Variants in PIKFYVE observed in about 807,000 individuals in gnomAD.
PIKFYVE encodes 1-phosphatidylinositol 3-phosphate 5-kinase.
In PIKFYVE, 122 loss-of-function variants were observed where a neutral mutation model predicts 257.9. That is an observed-to-expected ratio of 0.47 (90% CI 0.41 to 0.55). The LOEUF (loss-of-function observed/expected upper bound fraction) is 0.55. Ranked by LOEUF, PIKFYVE falls within the 20% of genes least tolerant of loss-of-function variation. PIKFYVE has a pLI of 0.00. For synonymous variants in PIKFYVE, 892 were observed against 868.9 expected (o/e 1.03, Z -0.47); for missense variants, 2,160 against 2,536.6 (o/e 0.85, Z 3.19).
Position 208,354,045 on chromosome 2 carries a change from C to T in PIKFYVE, c.5992C>T (p.Leu1998=). 6.2e-7 allele frequency: 1 copy of T among 1,614,082 alleles called. No homozygotes were observed. Among genetic ancestry groups the T allele is most frequent in the East Asian group, 2.2e-5 (1 of 44,866 alleles). Reference sequence around the variant, plus strand: ...TATTCGTTCTCATTCCAAAGCTGTGCTGAGAACCTCGATCCATAGTGACTC... The same window carrying T: ...TATTCGTTCTCATTCCAAAGCTGTGTTGAGAACCTCGATCCATAGTGACTC... ...LYIRSHSKAV[L]RTSIHSDSHF... Residue 1998 remains leucine, a synonymous_variant, in exon 40 of 42, where the codon CTG becomes TTG. Coordinates refer to ENST00000264380, the MANE Select transcript of PIKFYVE (RefSeq NM_015040.4).
chr2:208,325,461 A>C lies in PIKFYVE; in HGVS notation c.2650A>C (p.Met884Leu). 1 of 1,614,154 alleles carries C rather than the reference A, an allele frequency of 6.2e-7. No homozygotes were observed. The highest frequency in any genetic ancestry group is 8.5e-7 in the Non-Finnish European group (1 of 1,180,004). The change falls in exon 20 of 42, where the codon ATG (methionine) becomes CTG (leucine). Residue 884 changes from methionine (M) to leucine (L), a missense_variant. Physicochemically the swap from Met to Leu is conservative, Grantham distance 15. Around this residue, in one of 12 missense-constraint regions of PIKFYVE, gnomAD observed 522 missense variants for 514.6 expected, o/e 1.01. Coordinates refer to ENST00000264380, the MANE Select transcript of PIKFYVE (RefSeq NM_015040.4). Reference protein sequence around the residue: ...MDEFAMPPTLMQNPSFHSLIE... With the variant: ...MDEFAMPPTLLQNPSFHSLIE... Reference sequence around the variant, plus strand: ...TGAATTTGCTATGCCTCCCACATTAATGCAAAACCCTTCATTCCATTCCCT... The same window carrying C: ...TGAATTTGCTATGCCTCCCACATTACTGCAAAACCCTTCATTCCATTCCCT...
intron 12 of PIKFYVE, among the ~76,000 whole-genome samples, chr2:208,309,470 T>A (rs755397426): frequency 5.3e-5 from 8 of 152,212 alleles, no homozygotes; most frequent in Non-Finnish European, 1.0e-4. Context: ...ATAGATTTCA[T>A]TAGTGGCCAT....
Position 208,355,412 on chromosome 2 carries a change from C to A in PIKFYVE, c.*107C>A. 1.2e-6 allele frequency: 1 copy of A among 856,216 alleles called. No individual in the cohort carries two copies. Among genetic ancestry groups the A allele is most frequent in the Non-Finnish European group, 1.9e-6 (1 of 528,382 alleles). The allele number at this position is 856,216 out of a possible 1,614,324, so 53.0% of individuals were successfully genotyped here. ...TCTTCATCGTGTTCACCACTGTATG[C>A]CAAGGCTTTTCAGTTCTGTGGCTGT... On this transcript the variant is annotated 3_prime_UTR_variant, in exon 42 of 42. Coordinates refer to ENST00000264380, the MANE Select transcript of PIKFYVE (RefSeq NM_015040.4).
Position 208,298,719 on chromosome 2 carries a change from C to T in PIKFYVE, c.990C>T (p.Pro330=), listed in dbSNP as rs1310354483. 1.9e-6 allele frequency: 3 copies of T among 1,613,946 alleles called. No homozygotes were observed. Among genetic ancestry groups the T allele is most frequent in the Non-Finnish European group, 2.5e-6 (3 of 1,179,994 alleles). ...CTTCATATGAGACATCTGTCAGTCC[C>T]CAGGCTAACCGAACATATGTTAGGA... ...MVPSYETSVS[P]QANRTYVRTE... Residue 330 remains proline (P), a synonymous_variant, in exon 8 of 42, where the codon CCC becomes CCT. Coordinates refer to ENST00000264380, the MANE Select transcript of PIKFYVE (RefSeq NM_015040.4).
chr2:208,355,181 T>G lies in PIKFYVE; in HGVS notation c.6182-9T>G. Reference sequence around the variant, plus strand: ...AGCTTTTTCCCCCTTTTCTCTTTCATAATCTCAGGTAAAATGCCAACAGTG... The same window carrying G: ...AGCTTTTTCCCCCTTTTCTCTTTCAGAATCTCAGGTAAAATGCCAACAGTG... On this transcript the variant is annotated splice_polypyrimidine_tract_variant and intron_variant, in intron 41 of 41. Transcript: ENST00000264380. 1 of 1,605,416 alleles carries G rather than the reference T, an allele frequency of 6.2e-7. No individual in the cohort carries two copies. Among genetic ancestry groups the G allele is most frequent in the Non-Finnish European group, 8.5e-7 (1 of 1,172,098 alleles).
rs1689720900 is a variant in PIKFYVE, at chr2:208,273,689, A to T, written c.278A>T (p.Lys93Ile). The change falls in exon 3 of 42, where the codon AAA (lysine) becomes ATA (isoleucine). Residue 93 changes from lysine to isoleucine, a missense_variant. By Grantham distance (102) the Lys-to-Ile change is moderately radical. Transcript: ENST00000264380. ...TQSVRSPTPYKKQLNEELQRR... is the reference protein window; with the variant it reads ...TQSVRSPTPYIKQLNEELQRR... ...TCTGTTAGGTCACCCACACCTTATAAAAAGCAGCTTAATGAGGAACTCCAG... is the reference window on the plus strand; with the variant it reads ...TCTGTTAGGTCACCCACACCTTATATAAAGCAGCTTAATGAGGAACTCCAG... 6.2e-7 allele frequency: 1 copy of T among 1,614,018 alleles called. No homozygotes were observed. Among genetic ancestry groups the T allele is most frequent in the African/African-American group, 1.3e-5 (1 of 74,906 alleles).
Position 208,319,994 on chromosome 2 carries a change from A to T in PIKFYVE, c.2083-258A>T, listed in dbSNP as rs921771018. Among the ~76,000 whole-genome samples the T allele has an allele frequency of 2.0e-5, 3 of 152,156 alleles. No individual in the cohort carries two copies. In the East Asian group the frequency reaches 5.8e-4, roughly 29 times the overall value. ...TTACAACATCAGAAATAAAAAAAAA[A>T]GTTAAAGAGTATAGAAGATCAAAGT... On this transcript the variant is annotated intron_variant, in intron 16 of 41. Transcript: ENST00000264380.
chr2:208,355,489 T>C lies in PIKFYVE; in HGVS notation c.*184T>C. On this transcript the variant is annotated 3_prime_UTR_variant, in exon 42 of 42. Coordinates refer to ENST00000264380, the MANE Select transcript of PIKFYVE (RefSeq NM_015040.4). ...AACTCCATGAATTTGCACTTTGGTT[T>C]TTGATACCTGTGGAGCTGTCTGTAG... The C allele has an allele frequency of 1.7e-6, 1 of 572,884 alleles. No homozygotes were observed. The highest frequency in any genetic ancestry group is 3.1e-6 in the Non-Finnish European group (1 of 322,768). The allele number at this position is 572,884 out of a possible 1,614,324, so 35.5% of individuals were successfully genotyped here.
At chr2:208,342,451 C>A in intron 31 of PIKFYVE, 103 bp from the exon 32 acceptor site, 2 of 820,460 alleles carry the variant, frequency 2.4e-6, no homozygotes, top group Non-Finnish European at 4.0e-6. Context: ...TTTTTCTTTC[C>A]TAATGATTCA....
chr2:208,275,648 T>A (rs1026097800), intron 3 of PIKFYVE, among the ~76,000 whole-genome samples: 2 of 152,206 alleles, frequency 1.3e-5, no homozygotes, highest in African/African-American at 4.8e-5. Context: ...TCTTGGGAAA[T>A]TCTTTGTAAA....
At chr2:208,342,893 C>G (rs1248934588) in intron 32 of PIKFYVE, among the ~76,000 whole-genome samples, 2 of 146,162 alleles carry the variant, frequency 1.4e-5, no homozygotes, top group Non-Finnish European at 1.5e-5. Context: ...CTCCTGGGTT[C>G]AAGCAGTTCT....
chr2:208,344,727 A>T (rs528150357), intron 32 of PIKFYVE, among the ~76,000 whole-genome samples: 37 of 151,256 alleles, frequency 2.4e-4, no homozygotes, highest in African/African-American at 8.5e-4. Context: ...TTTTCCCCTT[A>T]AAGTTTAGTA....
chr2:208,298,827 A>G (rs1559079004), intron 8 of PIKFYVE, 48 bp downstream of exon 8: 1 of 1,607,930 alleles, frequency 6.2e-7, no homozygotes. Flanking sequence ...AGCATAGAGA[A>G]TGTTCATGTG....
chr2:208,280,599 G>A lies in PIKFYVE; in HGVS notation c.613+2891G>A, dbSNP rs147608863. Reference sequence around the variant, plus strand: ...GGGGATGGCTGGTAGAAAGATTAACGGTGTACATTTCTGGCAGTGTAGTGG... The same window carrying A: ...GGGGATGGCTGGTAGAAAGATTAACAGTGTACATTTCTGGCAGTGTAGTGG... On this transcript the variant is annotated intron_variant, in intron 5 of 41. Transcript: ENST00000264380. Among the ~76,000 whole-genome samples the A allele has an allele frequency of 2.6e-3, 393 of 152,222 alleles. 1 individual carries two copies. The highest frequency in any genetic ancestry group is 8.5e-3 in the African/African-American group (354 of 41,518).
chr2:208,339,111 T>C (rs1395317257), intron 29 of PIKFYVE, among the ~76,000 whole-genome samples: 1 of 152,216 alleles, frequency 6.6e-6, no homozygotes, highest in African/African-American at 2.4e-5. Flanking sequence ...AATTTCATTC[T>C]CTATTAAACT....
At chr2:208,284,564 AC>A (rs1691295378) in intron 5 of PIKFYVE, among the ~76,000 whole-genome samples, 1 of 152,034 alleles carries the variant, frequency 6.6e-6, no homozygotes, top group Non-Finnish European at 1.5e-5. Flanking sequence ...CCCGGCCTTA[AC>A]TTTTTTTTAT....
At chr2:208,309,361 CTT>C (rs1251084200) in intron 12 of PIKFYVE, among the ~76,000 whole-genome samples, 3 of 152,134 alleles carry the variant, frequency 2.0e-5, no homozygotes, top group African/African-American at 4.8e-5. Flanking sequence ...GAAAGTCACT[CTT>C]AATAATTTGT....
At chr2:208,290,330 A>G (rs1322584618) in intron 7 of PIKFYVE, among the ~76,000 whole-genome samples, 1 of 152,100 alleles carries the variant, frequency 6.6e-6, no homozygotes, top group African/African-American at 2.4e-5. Context: ...TACTGTCTCC[A>G]TAGTTTTACT....
rs979371496 is a variant in PIKFYVE at position 208,298,701 on chromosome 2, T to A, written c.972T>A (p.Tyr324Ter). Residue 324 changes from tyrosine to a stop codon, truncating the protein, a stop_gained, in exon 8 of 42, where the codon TAT (tyrosine) becomes TAA (stop). Coordinates refer to ENST00000264380, the MANE Select transcript of PIKFYVE (RefSeq NM_015040.4). LOFTEE classifies it high-confidence loss of function. ...DRSGSPMVPS[Y>*]ETSVSPQANR... The stretch of plus-strand genomic sequence containing the variant: ...CTGGTTCTCCTATGGTACCTTCATA[T>A]GAGACATCTGTCAGTCCCCAGGCTA... 1 of 1,613,732 alleles carries A rather than the reference T, an allele frequency of 6.2e-7. No homozygotes were observed. Among genetic ancestry groups the A allele is most frequent in the East Asian group, 2.2e-5 (1 of 44,894 alleles).
Sources: gnomAD v4.1 joint callset for allele counts (sites outside exome capture counted in the v4.1 genomes callset) on GRCh38, gnomAD v4.1.1 for gene constraint, gnomAD v4.1.1 regional missense constraint, MANE v1.5 for transcripts, NCBI Gene and HGNC (gene_info 2026-07-23, HGNC 2026-07-21) for gene names.